APBB2: variants seen among roughly 807,000 people sequenced by gnomAD.
APBB2 encodes the protein amyloid beta precursor protein binding family B member 2, also known as Fe65-like 1.
A neutral mutation model predicts 82.5 loss-of-function variants in APBB2; 38 were observed. The observed-to-expected ratio is 0.46, with a 90% confidence interval of 0.36 to 0.60. The LOEUF is 0.60. APBB2 is among the 20% of genes least tolerant of loss of function. The pLI, the probability that APBB2 is intolerant of heterozygous loss-of-function variation, is 0.00. For synonymous variants in APBB2, 341 were observed against 368.2 expected (o/e 0.93, Z 0.85); for missense variants, 772 against 972.3 (o/e 0.79, Z 2.74).
intron 6 of APBB2, among the ~76,000 whole-genome samples, chr4:41,006,397 G>C (rs1273106509): frequency 6.6e-6 from 1 of 152,212 alleles, no homozygotes; most frequent in Non-Finnish European, 1.5e-5. Context: ...GTCCTTAAAA[G>C]ATTAAAATTA....
At chr4:40,992,363 G>GGT (rs1553899634) in intron 6 of APBB2, among the ~76,000 whole-genome samples, 1 of 145,008 alleles carries the variant, frequency 6.9e-6, no homozygotes, top group Non-Finnish European at 1.5e-5. Context: ...GGTAGAGATG[G>GGT]GGGGGGGTCT....
intron 1 of APBB2, among the ~76,000 whole-genome samples, chr4:41,148,922 C>T (rs1392626443): frequency 1.3e-5 from 2 of 152,052 alleles, no homozygotes; most frequent in Non-Finnish European, 1.5e-5. Context: ...GAAATAGAAA[C>T]GAGCAGCAAT....
intron 12 of APBB2, among the ~76,000 whole-genome samples, chr4:40,867,942 G>T (rs1764444666): frequency 1.4e-5 from 2 of 143,766 alleles, no homozygotes; most frequent in African/African-American, 5.2e-5. Context: ...TGATCTAATT[G>T]CTAGCCCTCC....
intron 6 of APBB2, among the ~76,000 whole-genome samples, chr4:40,949,498 C>T (rs1470932326): frequency 6.6e-6 from 1 of 151,938 alleles, no homozygotes; most frequent in African/African-American, 2.4e-5. Flanking sequence ...ATCGAAATAC[C>T]AAGCAGCTGC....
intron 12 of APBB2, among the ~76,000 whole-genome samples, chr4:40,866,519 C>T (rs576645862): frequency 6.6e-6 from 1 of 152,214 alleles, no homozygotes; most frequent in East Asian, 1.9e-4. Flanking sequence ...TTTCCTATTC[C>T]ACCTATGTGC....
chr4:40,943,149 C>T (rs577138543), intron 7 of APBB2, among the ~76,000 whole-genome samples: 1 of 152,280 alleles, frequency 6.6e-6, no homozygotes, highest in African/African-American at 2.4e-5. Flanking sequence ...AGACCTCTGA[C>T]CTAGGATCTG....
chr4:41,079,380 T>C (rs1314322394), intron 3 of APBB2, among the ~76,000 whole-genome samples: 1 of 152,196 alleles, frequency 6.6e-6, no homozygotes, highest in Non-Finnish European at 1.5e-5. Flanking sequence ...CAGGTAGAGA[T>C]AGGTAGCCAT....
intron 3 of APBB2, among the ~76,000 whole-genome samples, chr4:41,081,465 C>T (rs533172590): frequency 1.3e-3 from 202 of 152,314 alleles, no homozygotes; most frequent in African/African-American, 4.7e-3. Flanking sequence ...AAAGTAGGGT[C>T]CACTTTGTAA....
intron 6 of APBB2, among the ~76,000 whole-genome samples, chr4:40,962,296 G>C (rs1016605854): frequency 2.0e-5 from 3 of 152,116 alleles, no homozygotes; most frequent in African/African-American, 7.2e-5. Context: ...AGGTAATTGA[G>C]CCAAAATTCC....
At chr4:41,141,681 C>T (rs1033820276) in intron 2 of APBB2, among the ~76,000 whole-genome samples, 2 of 152,174 alleles carry the variant, frequency 1.3e-5, no homozygotes, top group African/African-American at 4.8e-5. Flanking sequence ...GACTTAAGTT[C>T]CATGTGGCTG....
intron 12 of APBB2, among the ~76,000 whole-genome samples, chr4:40,835,004 C>T (rs189763558): frequency 5.3e-5 from 8 of 152,250 alleles, no homozygotes; most frequent in Admixed American, 4.6e-4. Context: ...AAAGTCCGGG[C>T]GCGGTGGCTC....
chr4:41,200,258 TATC>T, intron 1 of APBB2, among the ~76,000 whole-genome samples: 1 of 152,320 alleles, frequency 6.6e-6, no homozygotes, highest in African/African-American at 2.4e-5. Flanking sequence ...ATCAAATTCT[TATC>T]ATAAAATTCA....
intron 12 of APBB2, among the ~76,000 whole-genome samples, chr4:40,838,610 C>G (rs1345218217): frequency 6.6e-6 from 1 of 152,180 alleles, no homozygotes; most frequent in East Asian, 1.9e-4. Context: ...GCTGGGATTA[C>G]AGGCGTGAGC....
At chr4:41,197,625 C>T in intron 1 of APBB2, among the ~76,000 whole-genome samples, 1 of 152,288 alleles carries the variant, frequency 6.6e-6, no homozygotes, top group East Asian at 1.9e-4. Context: ...TACCTGCCAA[C>T]GTCTTTAGAG....
At chr4:40,934,147 G>T (rs1784854588) in intron 10 of APBB2, among the ~76,000 whole-genome samples, 1 of 152,228 alleles carries the variant, frequency 6.6e-6, no homozygotes, top group Non-Finnish European at 1.5e-5. Flanking sequence ...TTGCAAGGCA[G>T]AGCCTGGTGT....
At chr4:41,042,717 T>C (rs73809454) in intron 4 of APBB2, among the ~76,000 whole-genome samples, 13 of 152,198 alleles carry the variant, frequency 8.5e-5, no homozygotes, top group Non-Finnish European at 1.6e-4. Flanking sequence ...ATCAAACACA[T>C]GAAAGAACAC....
chr4:41,163,772 G>A (rs1765777570), intron 1 of APBB2, among the ~76,000 whole-genome samples: 1 of 152,160 alleles, frequency 6.6e-6, no homozygotes, highest in Non-Finnish European at 1.5e-5. Flanking sequence ...ATGTGAGTCT[G>A]AGGCAAATGT....
At chr4:40,930,472 C>A (rs954573138) in intron 10 of APBB2, among the ~76,000 whole-genome samples, 1 of 140,802 alleles carries the variant, frequency 7.1e-6, no homozygotes, top group African/African-American at 2.9e-5. Context: ...CGCGCGTGCG[C>A]GTGCGCGTAT....
intron 10 of APBB2, among the ~76,000 whole-genome samples, chr4:40,915,050 A>G (rs558539138): frequency 2.0e-5 from 3 of 152,354 alleles, no homozygotes; most frequent in African/African-American, 7.2e-5. Context: ...AAGATAACTC[A>G]GGACATTGCC....
Sources: gnomAD v4.1 joint callset for allele counts (sites outside exome capture counted in the v4.1 genomes callset) on GRCh38, gnomAD v4.1.1 for gene constraint, MANE v1.5 for transcripts, NCBI Gene and HGNC (gene_info 2026-07-23, HGNC 2026-07-21) for gene names.